The following AFF3 variants were observed in gnomAD, a reference collection of about 807,000 sequenced individuals.
The protein encoded by AFF3 is ALF transcription elongation factor 3.
In AFF3, 32 loss-of-function variants were observed where a neutral mutation model predicts 129.7. The observed-to-expected ratio is 0.25, with a 90% CI of 0.19 to 0.33. The LOEUF (loss-of-function observed/expected upper bound fraction) is 0.33. Among genes scored for constraint, AFF3 ranks in the 10% least tolerant of loss-of-function variants. The pLI, the probability that AFF3 is intolerant of heterozygous loss-of-function variation, is 1.00. For synonymous variants in AFF3, 644 were observed against 635.4 expected (o/e 1.01, Z -0.20); for missense variants, 1,373 against 1,592.0 (o/e 0.86, Z 2.34).
At chr2:100,068,140 C>T (rs909303418) in intron 4 of AFF3, among the ~76,000 whole-genome samples, 3 of 152,186 alleles carry the variant, frequency 2.0e-5, no homozygotes, top group African/African-American at 4.8e-5. Context: ...CAGCTCGCTT[C>T]GGCACAACCA....
chr2:100,046,210 T>C (rs940126213), intron 4 of AFF3, among the ~76,000 whole-genome samples: 9 of 152,198 alleles, frequency 5.9e-5, no homozygotes, highest in African/African-American at 2.2e-4. Flanking sequence ...TGATAACAGC[T>C]AATGTTTACA....
intron 7 of AFF3, among the ~76,000 whole-genome samples, chr2:99,994,863 T>G (rs1680693575): frequency 6.6e-6 from 1 of 152,166 alleles, no homozygotes; most frequent in Non-Finnish European, 1.5e-5. Context: ...CACCCTATAT[T>G]TGAGGTACAG....
At chr2:100,137,192 C>T (rs185203447) in intron 1 of AFF3, among the ~76,000 whole-genome samples, 31 of 152,290 alleles carry the variant, frequency 2.0e-4, no homozygotes, top group African/African-American at 7.2e-4. Context: ...CTAGTAAAAT[C>T]GTTCCTAGTT....
chr2:99,714,260 C>G (rs1021218253), intron 11 of AFF3, among the ~76,000 whole-genome samples: 3 of 152,302 alleles, frequency 2.0e-5, no homozygotes, highest in Admixed American at 2.0e-4. Context: ...AAGCTGACTC[C>G]TTGGTAGGCA....
intron 15 of AFF3, among the ~76,000 whole-genome samples, chr2:99,589,505 G>A (rs1234907642): frequency 2.0e-5 from 3 of 147,326 alleles, no homozygotes; most frequent in Admixed American, 7.0e-5. Flanking sequence ...GGGTTCAAGC[G>A]ATTCTCCTGC....
chr2:100,031,451 C>G (rs951584602), intron 4 of AFF3, among the ~76,000 whole-genome samples: 1 of 152,174 alleles, frequency 6.6e-6, no homozygotes, highest in African/African-American at 2.4e-5. Context: ...TACATACACA[C>G]AGAGAGATTA....
intron 7 of AFF3, among the ~76,000 whole-genome samples, chr2:100,003,685 A>G (rs928469215): frequency 6.6e-6 from 1 of 152,236 alleles, no homozygotes; most frequent in African/African-American, 2.4e-5. Context: ...ATTACTGCAA[A>G]TAATTTGCCA....
At chr2:99,884,840 T>G (rs1163479436) in intron 7 of AFF3, among the ~76,000 whole-genome samples, 1 of 152,228 alleles carries the variant, frequency 6.6e-6, no homozygotes, top group Non-Finnish European at 1.5e-5. Context: ...AGGGGGTGGC[T>G]GGGTTCACCA....
intron 4 of AFF3, among the ~76,000 whole-genome samples, chr2:100,061,864 G>GGT (rs893150413): frequency 6.6e-6 from 1 of 150,728 alleles, no homozygotes; most frequent in Non-Finnish European, 1.5e-5. Flanking sequence ...TGGAGGGGGG[G>GGT]GGGGTGCCGA....
intron 8 of AFF3, among the ~76,000 whole-genome samples, chr2:99,800,727 G>A (rs926177535): frequency 7.9e-5 from 12 of 152,116 alleles, no homozygotes; most frequent in African/African-American, 2.9e-4. Flanking sequence ...CCATACAATG[G>A]AATACGGCTC....
intron 4 of AFF3, among the ~76,000 whole-genome samples, chr2:100,040,527 C>A (rs1685333451): frequency 6.6e-6 from 1 of 152,088 alleles, no homozygotes; most frequent in Admixed American, 6.5e-5. Flanking sequence ...ATAAGAGAAA[C>A]AAAAATGTCC....
chr2:99,736,253 G>A (rs1398830923), intron 10 of AFF3, among the ~76,000 whole-genome samples: 2 of 152,042 alleles, frequency 1.3e-5, no homozygotes, highest in African/African-American at 2.4e-5. Flanking sequence ...CTTGTAATTT[G>A]TGACTTTTAC....
At chr2:99,867,606 C>T (rs1691526472) in intron 7 of AFF3, among the ~76,000 whole-genome samples, 1 of 151,312 alleles carries the variant, frequency 6.6e-6, no homozygotes, top group Non-Finnish European at 1.5e-5. Context: ...TAGCTGGCAG[C>T]CCCCTTTCTC....
At chr2:99,767,267 G>C (rs976736604) in intron 8 of AFF3, among the ~76,000 whole-genome samples, 2 of 152,162 alleles carry the variant, frequency 1.3e-5, no homozygotes, top group South Asian at 2.1e-4. Context: ...ACATGTAAAC[G>C]CAACAGATCT....
At chr2:100,084,346 T>G (rs1020186211) in intron 4 of AFF3, among the ~76,000 whole-genome samples, 5 of 152,258 alleles carry the variant, frequency 3.3e-5, no homozygotes, top group Non-Finnish European at 7.3e-5. Context: ...ATTAATCCTT[T>G]GAGGTACGTA....
chr2:99,701,191 C>A (rs1184383922), intron 11 of AFF3, among the ~76,000 whole-genome samples: 1 of 152,120 alleles, frequency 6.6e-6, no homozygotes, highest in African/African-American at 2.4e-5. Flanking sequence ...GCAGGATAGA[C>A]TGGTAACACT....
intron 7 of AFF3, among the ~76,000 whole-genome samples, chr2:99,867,643 A>G (rs1227151580): frequency 6.6e-6 from 1 of 150,968 alleles, no homozygotes; most frequent in Non-Finnish European, 1.5e-5. Context: ...AAGTCATTTG[A>G]TAAGTGAGAA....
chr2:99,880,948 G>C (rs927996335), intron 7 of AFF3, among the ~76,000 whole-genome samples: 2 of 152,142 alleles, frequency 1.3e-5, no homozygotes, highest in Non-Finnish European at 2.9e-5. Flanking sequence ...GGTTCAGATG[G>C]GGGCAGACAG....
intron 11 of AFF3, among the ~76,000 whole-genome samples, chr2:99,703,218 G>A (rs555123069): frequency 1.3e-5 from 2 of 152,166 alleles, no homozygotes; most frequent in South Asian, 2.1e-4. Flanking sequence ...TTCTAGAGGC[G>A]GCCTGCCTTT....
Sources: gnomAD v4.1 joint callset for allele counts (sites outside exome capture counted in the v4.1 genomes callset) on GRCh38, gnomAD v4.1.1 for gene constraint, MANE v1.5 for transcripts, NCBI Gene and HGNC (gene_info 2026-07-23, HGNC 2026-07-21) for gene names.